Variants in KDM4B observed in about 807,000 individuals in gnomAD.
KDM4B encodes the protein lysine demethylase 4B.
KDM4B carries 32 observed loss-of-function variants against 125.2 expected under a neutral mutation model. That is an observed-to-expected ratio of 0.26 (90% CI 0.19 to 0.34). KDM4B has a LOEUF of 0.34. KDM4B is among the 10% of genes least tolerant of loss of function. KDM4B has a pLI of 1.00. For missense variants in KDM4B, 1,190 were observed against 1,577.7 expected (o/e 0.75, Z 4.16); for synonymous variants, 721 against 677.9 (o/e 1.06, Z -0.99).
intron 5 of KDM4B, among the ~76,000 whole-genome samples, chr19:5,043,519 T>C (rs1336390459): frequency 1.4e-5 from 2 of 143,684 alleles, no homozygotes; most frequent in African/African-American, 5.4e-5. Context: ...AGTGGGGGTG[T>C]CCACCATATC....
At position 5,029,904 on chromosome 19, in the gene KDM4B, G is replaced by A. The variant is rs189051839; in HGVS notation, c.-25-2962G>A. ...GTGGGTGAAGTGCCTGAGTCCCTGT[G>A]CTGAGAGTGGCTCCCGGTGTCACGG... On this transcript the variant is annotated intron_variant, in intron 2 of 22. Transcript: ENST00000159111. Among the ~76,000 whole-genome samples the A allele has an allele frequency of 3.9e-3, 600 of 152,352 alleles. 2 individuals are homozygous for A. The highest frequency in any genetic ancestry group is 6.2e-3 in the Non-Finnish European group (420 of 68,030).
At chr19:5,136,009 GTC>G (rs1236545161) in intron 15 of KDM4B, among the ~76,000 whole-genome samples, 1 of 152,236 alleles carries the variant, frequency 6.6e-6, no homozygotes, top group Non-Finnish European at 1.5e-5. Flanking sequence ...CAGGCACCCC[GTC>G]TCTCCGCAGG....
At chr19:5,034,433 C>T (rs1156635913) in intron 3 of KDM4B, among the ~76,000 whole-genome samples, 1 of 152,240 alleles carries the variant, frequency 6.6e-6, no homozygotes, top group African/African-American at 2.4e-5. Flanking sequence ...TGAAAGTGCA[C>T]GGCCCTGTGC....
Position 5,082,821 on chromosome 19 carries a change from T to A in KDM4B, c.918+317T>A, listed in dbSNP as rs928785207. Among the ~76,000 whole-genome samples, 2 of 152,172 alleles carry A rather than the reference T, an allele frequency of 1.3e-5. No individual in the cohort carries two copies. Among genetic ancestry groups the A allele is most frequent in the African/African-American group, 4.8e-5 (2 of 41,454 alleles). On this transcript the variant is annotated intron_variant, in intron 9 of 22. Transcript: ENST00000159111. This position sits in a 1 kb window ranked among gnomAD's most constrained non-coding sequence, Gnocchi z 5.4. ...TGGCCGGCTGCTCGGGTCTAGGGGTTGGGGTGTTTCCTCCACCAGCACCAT... is the reference window on the plus strand; with the variant it reads ...TGGCCGGCTGCTCGGGTCTAGGGGTAGGGGTGTTTCCTCCACCAGCACCAT...
At chr19:5,129,928 T>A (rs559751195) in intron 11 of KDM4B, among the ~76,000 whole-genome samples, 1 of 152,300 alleles carries the variant, frequency 6.6e-6, no homozygotes, top group African/African-American at 2.4e-5. Context: ...TCAGAGGGAT[T>A]GCCCCGGCAC....
chr19:5,139,477 G>A (rs1468855358), intron 18 of KDM4B, among the ~76,000 whole-genome samples: 1 of 152,228 alleles, frequency 6.6e-6, no homozygotes. Context: ...CCGTCGGGCA[G>A]CTCTGTTTTT....
chr19:5,087,419 TC>T (rs776225883), intron 9 of KDM4B, among the ~76,000 whole-genome samples: 1 of 152,080 alleles, frequency 6.6e-6, no homozygotes, highest in Non-Finnish European at 1.5e-5. Context: ...ATGGACCTGC[TC>T]CCCTCGGGGC....
At chr19:5,042,469 C>T (rs1303641361) in intron 5 of KDM4B, among the ~76,000 whole-genome samples, 2 of 150,160 alleles carry the variant, frequency 1.3e-5, no homozygotes, top group Non-Finnish European at 1.5e-5. Flanking sequence ...CACTGCCCCG[C>T]AGCCTGGGCA....
intron 9 of KDM4B, among the ~76,000 whole-genome samples, chr19:5,094,002 T>G (rs960512414): frequency 6.6e-6 from 1 of 152,028 alleles, no homozygotes; most frequent in African/African-American, 2.4e-5. Flanking sequence ...CTGAGATGGG[T>G]GTGTGGCGGG....
Position 5,041,264 on chromosome 19 carries a change from C to T in KDM4B, c.432+13C>T. 6.3e-7 allele frequency: 1 copy of T among 1,596,124 alleles called. No individual in the cohort carries two copies. On this transcript the variant is annotated intron_variant, in intron 5 of 22. Coordinates refer to ENST00000159111, the MANE Select transcript of KDM4B (RefSeq NM_015015.3). ...TTTGTATGATGACGTAAGTATGAGG[C>T]TCCGGGGAAGAACAGGGACCAGCTT...
chr19:4,974,110 A>AT (rs2034358620), intron 1 of KDM4B, among the ~76,000 whole-genome samples: 1 of 148,932 alleles, frequency 6.7e-6, no homozygotes, highest in Non-Finnish European at 1.5e-5. Flanking sequence ...CAAAAAAATA[A>AT]ATAAGTGGCC....
At chr19:5,097,043 CG>C (rs947139669) in intron 9 of KDM4B, among the ~76,000 whole-genome samples, 3 of 151,998 alleles carry the variant, frequency 2.0e-5, no homozygotes, top group African/African-American at 7.3e-5. Flanking sequence ...GTCAGCAGGG[CG>C]GGGAGAAAAG....
chr19:5,088,795 C>T (rs1326518190), intron 9 of KDM4B, among the ~76,000 whole-genome samples: 1 of 151,888 alleles, frequency 6.6e-6, no homozygotes, highest in East Asian at 1.9e-4. Flanking sequence ...GGGGCAGATA[C>T]AGAAGGAAGA....
At chr19:5,042,622 T>G (rs1434915466) in intron 5 of KDM4B, among the ~76,000 whole-genome samples, 2 of 151,874 alleles carry the variant, frequency 1.3e-5, no homozygotes, top group Non-Finnish European at 2.9e-5. Flanking sequence ...CTCAGGAAAC[T>G]TAGAGTCGTG....
rs550611814 is a variant in KDM4B at position 5,008,591 on chromosome 19, CT to C, written c.-108-7649del. 6.6e-3 allele frequency among the ~76,000 whole-genome samples: 891 copies of C among 135,516 alleles called. 6 individuals are homozygous for C. The highest frequency in any genetic ancestry group is 0.021 in the African/African-American group (775 of 37,238). The allele number at this position is 135,516 out of a possible 152,430, so 88.9% of individuals were successfully genotyped here. ...CTCCTTGTTTCTTCTTTTTCTTTTTCTTTTTTTTTTTTTTTTTGAGACAGAG... is the reference window on the plus strand; with the variant it reads ...CTCCTTGTTTCTTCTTTTTCTTTTTCTTTTTTTTTTTTTTTTGAGACAGAG... On this transcript the variant is annotated intron_variant, in intron 1 of 22. Transcript: ENST00000159111.
At chr19:5,136,763 G>C (rs754419748) in intron 15 of KDM4B, among the ~76,000 whole-genome samples, 48 of 152,348 alleles carry the variant, frequency 3.2e-4, no homozygotes, top group Admixed American at 5.2e-4. Flanking sequence ...ATCCCCAGCA[G>C]AGGCAGAGCC....
In KDM4B at chr19:5,012,469, C is replaced by T. The variant is rs1029288636; in HGVS notation, c.-108-3788C>T. Among the ~76,000 whole-genome samples the T allele has an allele frequency of 1.2e-4, 18 of 152,014 alleles. 1 individual carries two copies. The highest frequency in any genetic ancestry group is 3.6e-4 in the African/African-American group (15 of 41,396). The stretch of plus-strand genomic sequence containing the variant: ...CCCCACACCGGGATTCCTCGTGGCC[C>T]GTAGCCGTCCCAGGATCCTTCGTGG... On this transcript the variant is annotated intron_variant, in intron 1 of 22. Coordinates refer to ENST00000159111, the MANE Select transcript of KDM4B (RefSeq NM_015015.3).
At chr19:5,045,419 C>T (rs2036994591) in intron 5 of KDM4B, among the ~76,000 whole-genome samples, 1 of 152,116 alleles carries the variant, frequency 6.6e-6, no homozygotes, top group Non-Finnish European at 1.5e-5. Context: ...TGGAGTCTCG[C>T]TCTGTTGCCC....
rs531788229 is a variant in KDM4B, at chr19:4,999,350, C to G, written c.-108-16907C>G. Among the ~76,000 whole-genome samples the G allele has an allele frequency of 5.3e-5, 8 of 152,290 alleles. No homozygotes were observed. In the South Asian group the frequency reaches 1.7e-3, roughly 32 times the overall value. On this transcript the variant is annotated intron_variant, in intron 1 of 22. Coordinates refer to ENST00000159111, the MANE Select transcript of KDM4B (RefSeq NM_015015.3). ...CTGGGCCATTTGACATGTCCCCACC[C>G]TGCTCGGAGCACTTCCCAACTTTTT...
Sources: allele counts gnomAD v4.1 joint callset (sites outside exome capture counted in the v4.1 genomes callset), GRCh38; gene constraint gnomAD v4.1.1; non-coding constraint Gnocchi (gnomAD v3.1); transcripts MANE v1.5; gene names NCBI Gene and HGNC (gene_info 2026-07-23, HGNC 2026-07-21).